USP32: variants seen among roughly 807,000 people sequenced by gnomAD.
USP32 encodes ubiquitin carboxyl-terminal hydrolase 32.
Under a neutral mutation model 204.8 loss-of-function variants are expected in USP32, and 59 were observed. That is an observed-to-expected ratio of 0.29 (90% CI 0.23 to 0.36). USP32 has a LOEUF of 0.36. USP32 is among the 10% of genes least tolerant of loss of function. The pLI, the probability that USP32 is intolerant of heterozygous loss-of-function variation, is 1.00. For synonymous variants in USP32, 517 were observed against 678.4 expected (o/e 0.76, Z 3.70); for missense variants, 1,160 against 1,946.4 (o/e 0.60, Z 7.60).
At chr17:60,335,071 C>T (rs1453100437) in intron 2 of USP32, among the ~76,000 whole-genome samples, 1 of 142,770 alleles carries the variant, frequency 7.0e-6, no homozygotes, top group Non-Finnish European at 1.5e-5. Flanking sequence ...AATCTCCCAG[C>T]CTCAAGTGAT....
intron 2 of USP32, among the ~76,000 whole-genome samples, chr17:60,303,066 T>G (rs1195392500): frequency 2.0e-5 from 3 of 152,156 alleles, no homozygotes; most frequent in African/African-American, 7.2e-5. Context: ...TAATAACACC[T>G]GACAACTGAT....
intron 2 of USP32, among the ~76,000 whole-genome samples, chr17:60,322,571 A>C (rs1289953226): frequency 1.3e-5 from 2 of 152,322 alleles, no homozygotes; most frequent in Non-Finnish European, 2.9e-5. Flanking sequence ...CTAAAAAAAT[A>C]GAATTTCAAA....
chr17:60,343,209 T>A (rs2088702166), intron 2 of USP32, among the ~76,000 whole-genome samples: 1 of 152,088 alleles, frequency 6.6e-6, no homozygotes, highest in Non-Finnish European at 1.5e-5. Flanking sequence ...AATGGGAGAC[T>A]TTAACACCCC....
At chr17:60,403,826 G>A (rs991655763) in intron 1 of USP32, among the ~76,000 whole-genome samples, 2 of 152,110 alleles carry the variant, frequency 1.3e-5, no homozygotes, top group South Asian at 4.1e-4. Context: ...TATTGATTGA[G>A]CCCAGGAGTT....
chr17:60,318,491 T>C (rs1421623621), intron 2 of USP32, among the ~76,000 whole-genome samples: 1 of 152,160 alleles, frequency 6.6e-6, no homozygotes, highest in African/African-American at 2.4e-5. Context: ...AAAGTTCCAG[T>C]TTCCCAATTC....
intron 2 of USP32, among the ~76,000 whole-genome samples, chr17:60,324,349 G>C (rs1184359402): frequency 6.6e-6 from 1 of 151,262 alleles, no homozygotes; most frequent in Non-Finnish European, 1.5e-5. Flanking sequence ...CTAGAAAAAA[G>C]TGAAAACACA....
At chr17:60,246,406 T>C (rs557670352) in intron 11 of USP32, among the ~76,000 whole-genome samples, 1 of 146,704 alleles carries the variant, frequency 6.8e-6, no homozygotes, top group Non-Finnish European at 1.5e-5. Context: ...TGTGTATATA[T>C]ATATATATTT....
chr17:60,260,303 C>CT (rs1458322560), intron 9 of USP32, among the ~76,000 whole-genome samples: 1 of 151,848 alleles, frequency 6.6e-6, no homozygotes, highest in African/African-American at 2.4e-5. Context: ...GGTGGATCAC[C>CT]TGAGGTCAGG....
intron 5 of USP32, among the ~76,000 whole-genome samples, chr17:60,284,137 T>C (rs1184561984): frequency 6.6e-6 from 1 of 151,874 alleles, no homozygotes; most frequent in Non-Finnish European, 1.5e-5. Context: ...TCATTAGGAA[T>C]TAGAAGGTCA....
At chr17:60,254,269 G>T (rs1402260937) in intron 10 of USP32, among the ~76,000 whole-genome samples, 1 of 152,220 alleles carries the variant, frequency 6.6e-6, no homozygotes, top group Non-Finnish European at 1.5e-5. Context: ...AATTTGGCAA[G>T]CTCTGTGACT....
chr17:60,297,504 A>G (rs1372655415), intron 3 of USP32, among the ~76,000 whole-genome samples: 1 of 149,460 alleles, frequency 6.7e-6, no homozygotes, highest in Non-Finnish European at 1.5e-5. Context: ...GTTGGAGTGC[A>G]GTGGCGCAAT....
At chr17:60,350,976 A>G (rs1385562196) in intron 1 of USP32, among the ~76,000 whole-genome samples, 1 of 152,144 alleles carries the variant, frequency 6.6e-6, no homozygotes, top group Non-Finnish European at 1.5e-5. Flanking sequence ...TTTCTGGTGC[A>G]CATTAAGTAT....
chr17:60,336,683 T>A (rs1188250567), intron 2 of USP32, among the ~76,000 whole-genome samples: 1 of 134,446 alleles, frequency 7.4e-6, no homozygotes, highest in Admixed American at 7.9e-5. Flanking sequence ...GCCACTGCAC[T>A]CCAGCCTGGG....
At chr17:60,345,973 C>T (rs991665787) in intron 1 of USP32, among the ~76,000 whole-genome samples, 5 of 151,618 alleles carry the variant, frequency 3.3e-5, no homozygotes, top group African/African-American at 1.2e-4. Flanking sequence ...CAGAGCGAAA[C>T]TCTGTCTCAA....
intron 12 of USP32, among the ~76,000 whole-genome samples, chr17:60,231,298 C>A (rs966771332): frequency 3.3e-5 from 5 of 152,144 alleles, no homozygotes; most frequent in African/African-American, 7.2e-5. Flanking sequence ...TCACTAGTGA[C>A]TGAAATGCTA....
intron 1 of USP32, among the ~76,000 whole-genome samples, chr17:60,413,102 A>G (rs79205391): frequency 0.021 from 3,215 of 152,346 alleles, 134 homozygotes; most frequent in African/African-American, 0.073. Context: ...TACAGTAAAT[A>G]TCAGATAAGA....
At chr17:60,387,931 C>T (rs2089759144) in intron 1 of USP32, among the ~76,000 whole-genome samples, 1 of 151,966 alleles carries the variant, frequency 6.6e-6, no homozygotes, top group Non-Finnish European at 1.5e-5. Flanking sequence ...TTCTACTGAA[C>T]GCATATAGCT....
upstream of USP32, chr17:60,392,232 T>G (rs2146147194): frequency 1.1e-5 from 3 of 284,686 alleles, no homozygotes; most frequent in Non-Finnish European, 2.0e-5. Context: ...TCTTGCCACT[T>G]CCGCCCCCTC....
intron 24 of USP32, 60 bp from the exon 25 acceptor site, chr17:60,207,192 T>C: frequency 6.4e-7 from 1 of 1,561,408 alleles, no homozygotes; most frequent in Admixed American, 2.0e-5. Flanking sequence ...GGAAAAGTTC[T>C]CTCTCTAACA....
Sources: allele counts gnomAD v4.1 joint callset (sites outside exome capture counted in the v4.1 genomes callset), GRCh38; gene constraint gnomAD v4.1.1; transcripts MANE v1.5; gene names NCBI Gene and HGNC (gene_info 2026-07-23, HGNC 2026-07-21).